ANKRD62: variants seen among roughly 807,000 people sequenced by gnomAD.
ANKRD62 encodes ankyrin repeat domain-containing protein 62.
Under a neutral mutation model 98.8 loss-of-function variants are expected in ANKRD62, and 61 were observed. The observed-to-expected ratio is 0.62, with a 90% CI of 0.50 to 0.76. ANKRD62 has a LOEUF of 0.76. ANKRD62 is among the 30% of genes least tolerant of loss of function. ANKRD62 has a pLI of 0.00. For synonymous variants in ANKRD62, 341 were observed against 367.9 expected (o/e 0.93, Z 0.84); for missense variants, 933 against 1,082.9 (o/e 0.86, Z 1.94).
At chr18:12,166,482 T>C in the ANKRD62 span, among the ~76,000 whole-genome samples, 2 of 152,174 alleles carry the variant, frequency 1.3e-5, no homozygotes, top group Non-Finnish European at 2.9e-5. Flanking sequence ...TTTTTAATAA[T>C]TTTAATATCA....
At chr18:12,111,074 C>T (rs1909527407) in intron 8 of ANKRD62, among the ~76,000 whole-genome samples, 1 of 151,536 alleles carries the variant, frequency 6.6e-6, no homozygotes, top group Admixed American at 6.6e-5. Context: ...ATGATGAAAC[C>T]CTGTCTCTAC....
chr18:12,119,174 A>C (rs189750928), intron 10 of ANKRD62, among the ~76,000 whole-genome samples: 43 of 152,262 alleles, frequency 2.8e-4, no homozygotes, highest in Non-Finnish European at 2.9e-5. Flanking sequence ...ACACATAAAA[A>C]TTATAATGTC....
chr18:12,102,666 GAAT>G, intron 6 of ANKRD62: 1 of 988,452 alleles, frequency 1.0e-6, no homozygotes, highest in Non-Finnish European at 1.2e-6. Context: ...AAATTTGTCA[GAAT>G]AGTAGAGGAA....
At chr18:12,102,479 C>T in intron 6 of ANKRD62, 1 of 416,034 alleles carries the variant, frequency 2.4e-6, no homozygotes, top group Non-Finnish European at 4.6e-6. Context: ...CATCTCATTC[C>T]TGAAAACTCA....
chr18:12,103,850 C>T (rs12606018), intron 7 of ANKRD62, among the ~76,000 whole-genome samples: 31,612 of 151,986 alleles, frequency 0.21, 4,253 homozygotes, highest in East Asian at 0.55. Flanking sequence ...TTAAAATCAA[C>T]TGTCATTTGT....
chr18:12,170,728 T>G, the ANKRD62 span, among the ~76,000 whole-genome samples: 11 of 152,080 alleles, frequency 7.2e-5, no homozygotes, highest in African/African-American at 1.4e-4. Flanking sequence ...TTGACAGTGG[T>G]GTGTTAAAGT....
At chr18:12,168,361 A>G in the ANKRD62 span, among the ~76,000 whole-genome samples, 31 of 152,264 alleles carry the variant, frequency 2.0e-4, no homozygotes, top group East Asian at 3.9e-3. Context: ...ATGGCTAGCC[A>G]GTTTTCCCAG....
At chr18:12,137,882 G>A in the ANKRD62 span, among the ~76,000 whole-genome samples, 30 of 152,134 alleles carry the variant, frequency 2.0e-4, no homozygotes, top group Admixed American at 3.3e-4. Context: ...CTGTGGGATC[G>A]GTGGTGATAT....
At chr18:12,153,374 T>C in the ANKRD62 span, among the ~76,000 whole-genome samples, 4 of 151,816 alleles carry the variant, frequency 2.6e-5, no homozygotes, top group Admixed American at 2.0e-4. Flanking sequence ...GGTGAATCAC[T>C]TAAGGTCAGG....
chr18:12,116,602 A>G (rs9963587), intron 10 of ANKRD62, among the ~76,000 whole-genome samples: 93,260 of 151,954 alleles, frequency 0.61, 29,061 homozygotes, highest in Middle Eastern at 0.76. Context: ...TTTAATAAGG[A>G]ATATTCATCC....
chr18:12,114,192 A>G (rs1332563895), intron 8 of ANKRD62, among the ~76,000 whole-genome samples: 1 of 152,108 alleles, frequency 6.6e-6, no homozygotes, highest in African/African-American at 2.4e-5. Flanking sequence ...ACTAATGAGT[A>G]CTAGGCTTAA....
chr18:12,151,082 G>A, the ANKRD62 span, among the ~76,000 whole-genome samples: 1 of 152,186 alleles, frequency 6.6e-6, no homozygotes, highest in African/African-American at 2.4e-5. Flanking sequence ...AAAATAAAGG[G>A]ATGGAGGAAA....
At chr18:12,152,386 C>A in the ANKRD62 span, among the ~76,000 whole-genome samples, 2 of 152,136 alleles carry the variant, frequency 1.3e-5, no homozygotes, top group Non-Finnish European at 2.9e-5. Flanking sequence ...GCTAATCCAC[C>A]ACGATCAAGT....
At chr18:12,136,361 T>G in the ANKRD62 span, among the ~76,000 whole-genome samples, 2 of 152,110 alleles carry the variant, frequency 1.3e-5, no homozygotes, top group African/African-American at 4.8e-5. Context: ...TGTAGATATG[T>G]GGCATTATTT....
At chr18:12,155,114 A>G in the ANKRD62 span, among the ~76,000 whole-genome samples, 1 of 152,236 alleles carries the variant, frequency 6.6e-6, no homozygotes, top group Admixed American at 6.5e-5. Context: ...CCTGGAACCT[A>G]AAATAGATGT....
chr18:12,151,419 G>A, the ANKRD62 span, among the ~76,000 whole-genome samples: 2 of 152,128 alleles, frequency 1.3e-5, no homozygotes, highest in South Asian at 4.1e-4. Context: ...GTCAACACTG[G>A]ACCAAGTGGG....
downstream of ANKRD62, among the ~76,000 whole-genome samples, chr18:12,133,692 G>T (rs148057841): frequency 2.0e-5 from 3 of 151,976 alleles, no homozygotes; most frequent in Admixed American, 2.0e-4. Context: ...AAACCTGGTC[G>T]TTATCCTTTG....
At chr18:12,126,709 C>T (rs1014984890) in intron 13 of ANKRD62, among the ~76,000 whole-genome samples, 4 of 151,982 alleles carry the variant, frequency 2.6e-5, no homozygotes, top group African/African-American at 4.8e-5. Context: ...TTTAGGATTA[C>T]GATAAAGCAG....
the ANKRD62 span, among the ~76,000 whole-genome samples, chr18:12,179,098 G>A: frequency 0.029 from 4,374 of 149,350 alleles, 2 homozygotes; most frequent in African/African-American, 0.1. Flanking sequence ...CAGGAGGACT[G>A]TGTGGTTTTT....
Sources: allele counts gnomAD v4.1 joint callset (sites outside exome capture counted in the v4.1 genomes callset), GRCh38; gene constraint gnomAD v4.1.1; transcripts MANE v1.5; gene names NCBI Gene and HGNC (gene_info 2026-07-23, HGNC 2026-07-21).